Variants in SLC6A19 observed in about 807,000 individuals in gnomAD.
The protein encoded by SLC6A19 is sodium-dependent neutral amino acid transporter B(0)AT1.
Under a neutral mutation model 68.3 loss-of-function variants are expected in SLC6A19, and 67 were observed. The ratio of observed to expected loss-of-function variants is 0.98; its 90% CI spans 0.81 to 1.20. The LOEUF is 1.20. SLC6A19 is among the 50% of genes most tolerant of loss of function. The pLI is 0.00. For missense variants in SLC6A19, 813 were observed against 851.6 expected (o/e 0.95, Z 0.56); for synonymous variants, 392 against 374.9 (o/e 1.05, Z -0.53).
intron 10 of SLC6A19, 142 bp downstream of exon 10, chr5:1,219,806 T>C (rs939785195): frequency 1.8e-6 from 2 of 1,109,764 alleles, no homozygotes; most frequent in East Asian, 2.4e-5. Context: ...CAGAGGCTGG[T>C]GTAGACCTGT....
Position 1,219,667 on chromosome 5 carries a change from AG to A in SLC6A19, c.1538+7del. On this transcript the variant is annotated splice_donor_region_variant and intron_variant, in intron 10 of 11. Transcript: ENST00000304460. ...GTCTACGTGTACGGTGTGGACAGGT[AG>A]GGGCCACGGTGGGGACAGGTGCCTC... is the stretch of plus-strand genomic sequence containing the variant. 6.2e-7 allele frequency: 1 copy of A among 1,603,882 alleles called. No homozygotes were observed.
intron 11 of SLC6A19, 144 bp from the exon 12 acceptor site, chr5:1,221,557 G>C (rs1746382204): frequency 6.2e-6 from 7 of 1,135,974 alleles, no homozygotes; most frequent in African/African-American, 1.5e-5. Context: ...GGAGGTAGGG[G>C]AAAGGGGAAG....
At position 1,214,212 on chromosome 5, in the gene SLC6A19, C is replaced by A; in HGVS notation, c.887+147C>A. 1 of 1,459,384 alleles carries A rather than the reference C, an allele frequency of 6.9e-7. No homozygotes were observed. The highest frequency in any genetic ancestry group is 9.2e-7 in the Non-Finnish European group (1 of 1,088,680). The allele number at this position is 1,459,384 out of a possible 1,614,324, so 90.4% of individuals were successfully genotyped here. ...GGGCCCGTTCCCTCCTGCTCGGGGT[C>A]CATGTGAGCTGAGTCTAGAGTGCAG... On this transcript the variant is annotated intron_variant, in intron 6 of 11. Coordinates refer to ENST00000304460, the MANE Select transcript of SLC6A19 (RefSeq NM_001003841.3). This position sits in a 1 kb window ranked among gnomAD's most constrained non-coding sequence, Gnocchi z 7.4.
At chr5:1,207,028 C>T (rs1024337223) in intron 1 of SLC6A19, among the ~76,000 whole-genome samples, 3 of 152,342 alleles carry the variant, frequency 2.0e-5, no homozygotes, top group Admixed American at 1.3e-4. Context: ...GGGGCAGGCG[C>T]GACGGGAGCT....
In SLC6A19 at chr5:1,205,928, A is replaced by G. The variant is rs143833264; in HGVS notation, c.203-2818A>G. Among the ~76,000 whole-genome samples the G allele has an allele frequency of 1.4e-4, 22 of 152,146 alleles. 1 individual carries two copies. The highest frequency in any genetic ancestry group is 6.8e-3 in the Middle Eastern group (2 of 294). ...TGGCTACCATTCCCTTCTGCCTTTCATCTCTCGATGAATCCAGCATCCCGC... is the reference window on the plus strand; with the variant it reads ...TGGCTACCATTCCCTTCTGCCTTTCGTCTCTCGATGAATCCAGCATCCCGC... On this transcript the variant is annotated intron_variant, in intron 1 of 11. Transcript: ENST00000304460.
At position 1,214,107 on chromosome 5, in the gene SLC6A19, TG is replaced by T. The variant is rs1256882949; in HGVS notation, c.887+48del. The T allele has an allele frequency of 2.5e-6, 4 of 1,612,898 alleles. No homozygotes were observed. In the African/African-American group the frequency reaches 5.3e-5, roughly 22 times the overall value. On this transcript the variant is annotated intron_variant, in intron 6 of 11. Transcript: ENST00000304460. This position sits in a 1 kb window ranked among gnomAD's most constrained non-coding sequence, Gnocchi z 7.4. ...TGGGCCTCAGTTTCCCTCTCAGTCCTGGGGGGATCTTGCTGGGAGGATAAAA... is the reference window on the plus strand; with the variant it reads ...TGGGCCTCAGTTTCCCTCTCAGTCCTGGGGGATCTTGCTGGGAGGATAAAA...
At chr5:1,206,156 G>C (rs1399718998) in intron 1 of SLC6A19, among the ~76,000 whole-genome samples, 2 of 152,238 alleles carry the variant, frequency 1.3e-5, no homozygotes. Flanking sequence ...GTTAAACTGG[G>C]AGAGGGAGCA....
At position 1,212,240 on chromosome 5, in the gene SLC6A19, G is replaced by A; in HGVS notation, c.482-63G>A. The A allele has an allele frequency of 1.9e-6, 3 of 1,602,166 alleles. No homozygotes were observed. Among genetic ancestry groups the A allele is most frequent in the Non-Finnish European group, 2.6e-6 (3 of 1,175,958 alleles). On this transcript the variant is annotated intron_variant, in intron 3 of 11. Transcript: ENST00000304460. The surrounding 1 kb of genome is among the most constrained non-coding windows in gnomAD (Gnocchi z 5.1). ...TGGCTGGCATTTCTTCCAGCTCAGG[G>A]CCTTCCATTCTCCTCCCTTGGGGGA...
In SLC6A19 at chr5:1,212,456, C is replaced by T. The variant is rs1477701193; in HGVS notation, c.635C>T (p.Thr212Ile). The T allele has an allele frequency of 6.2e-6, 10 of 1,609,526 alleles. No individual in the cohort carries two copies. The highest frequency in any genetic ancestry group is 8.5e-6 in the Non-Finnish European group (10 of 1,179,848). ...ACAWSVLYMC[T>I]IRGIETTGKA... ...GCATGGAGCGTCCTGTACATGTGCACCATCCGCGGCATCGAGACCACCGGG... is the reference window on the plus strand; with the variant it reads ...GCATGGAGCGTCCTGTACATGTGCATCATCCGCGGCATCGAGACCACCGGG... The change falls in exon 4 of 12, where the codon ACC (threonine) becomes ATC (isoleucine). Residue 212 changes from threonine (T) to isoleucine (I), a missense_variant. Physicochemically the swap from Thr to Ile is moderately conservative, Grantham distance 89. Coordinates refer to ENST00000304460, the MANE Select transcript of SLC6A19 (RefSeq NM_001003841.3). This position sits in a 1 kb window ranked among gnomAD's most constrained non-coding sequence, Gnocchi z 5.1.
chr5:1,206,647 G>T (rs1745859878), intron 1 of SLC6A19, among the ~76,000 whole-genome samples: 1 of 152,000 alleles, frequency 6.6e-6, no homozygotes, highest in African/African-American at 2.4e-5. Context: ...CAGCCTGGGG[G>T]GCGGGAGGAT....
At position 1,222,543 on chromosome 5, in the gene SLC6A19, G is replaced by T; in HGVS notation, c.*639G>T. 2.6e-6 allele frequency: 1 copy of T among 390,748 alleles called. No homozygotes were observed. The highest frequency in any genetic ancestry group is 4.6e-6 in the Non-Finnish European group (1 of 219,032). 24.2% of individuals were successfully genotyped at this position (390,748 alleles called of 1,614,324 possible). A position where few individuals can be genotyped will look rare whatever the true frequency, so the allele number is the denominator to read the frequency against. Reference sequence around the variant, plus strand: ...TGAGCATGTGTACGTGTGTGTATACGTGTGTTGTGTATATGTGTGTGTCTG... The same window carrying T: ...TGAGCATGTGTACGTGTGTGTATACTTGTGTTGTGTATATGTGTGTGTCTG... On this transcript the variant is annotated 3_prime_UTR_variant, in exon 12 of 12. Coordinates refer to ENST00000304460, the MANE Select transcript of SLC6A19 (RefSeq NM_001003841.3).
Position 1,212,980 on chromosome 5 carries a change from C to T in SLC6A19, c.664-483C>T, listed in dbSNP as rs1312812835. ...GCCCCCCACCACAAGCACGGCCCCC[C>T]TCCGCACCATCCCAAATACCCAGGC... is the stretch of plus-strand genomic sequence containing the variant. On this transcript the variant is annotated intron_variant, in intron 4 of 11. Transcript: ENST00000304460. This position sits in a 1 kb window ranked among gnomAD's most constrained non-coding sequence, Gnocchi z 5.1. Among the ~76,000 whole-genome samples, 1 of 148,088 alleles carries T rather than the reference C, an allele frequency of 6.8e-6. No homozygotes were observed. The highest frequency in any genetic ancestry group is 2.5e-5 in the African/African-American group (1 of 39,736).
At chr5:1,217,379 G>A (rs6554667) in intron 8 of SLC6A19, among the ~76,000 whole-genome samples, 137,019 of 152,316 alleles carry the variant, frequency 0.9, 62,078 homozygotes, top group Non-Finnish European at 0.95. Flanking sequence ...CCACGCTGAT[G>A]TCGAGGATAC....
chr5:1,210,226 C>A (rs941466511), intron 2 of SLC6A19, among the ~76,000 whole-genome samples: 1 of 134,772 alleles, frequency 7.4e-6, no homozygotes, highest in Non-Finnish European at 1.6e-5. Flanking sequence ...GCAGGGCAGG[C>A]GTGTGCCAGG....
At chr5:1,216,725 G>C in intron 7 of SLC6A19, 39 bp downstream of exon 7, 1 of 1,613,590 alleles carries the variant, frequency 6.2e-7, no homozygotes, top group Non-Finnish European at 8.5e-7. Context: ...CTTGGGCTGC[G>C]CCTCCAGGAA....
intron 1 of SLC6A19, 76 bp downstream of exon 1, chr5:1,201,928 CAT>C: frequency 1.3e-6 from 2 of 1,512,178 alleles, no homozygotes; most frequent in Non-Finnish European, 1.8e-6. Context: ...CCTGGGCAGA[CAT>C]CCTCCCCGGA....
chr5:1,218,005 G>GCGCCTCCTCCCGCCTCCTCC (rs141917424), intron 8 of SLC6A19, among the ~76,000 whole-genome samples: 6 of 149,424 alleles, frequency 4.0e-5, no homozygotes, highest in Admixed American at 1.3e-4. Context: ...CTCCATCCTG[G>GCGCCTCCTCCCGCCTCCTCC]CGCCTCCTCC....
At chr5:1,208,698 G>C in intron 1 of SLC6A19, 48 bp from the exon 2 acceptor site, 1 of 1,612,410 alleles carries the variant, frequency 6.2e-7, no homozygotes, top group Non-Finnish European at 8.5e-7. Flanking sequence ...AGGCCTTCCT[G>C]CTCCCCCGGG....
rs1388724771 is a variant in SLC6A19 at position 1,218,962 on chromosome 5, G to A, written c.1233G>A (p.Pro411=). 14 of 1,613,962 alleles carry A rather than the reference G, an allele frequency of 8.7e-6. No individual in the cohort carries two copies. Among genetic ancestry groups the A allele is most frequent in the Middle Eastern group, 1.6e-4 (1 of 6,084 alleles). The stretch of plus-strand genomic sequence containing the variant: ...TCACCGAGGCCATCACCAAGATGCC[G>A]TTGTCCCCACTGTGGTCTGTGCTCT... The part of the protein sequence containing the change: ...IVFTEAITKM[P]LSPLWSVLFF... The change falls in exon 9 of 12, where the codon CCG becomes CCA. Residue 411 remains proline, a synonymous_variant. Transcript: ENST00000304460.
Sources: gnomAD v4.1 joint callset for allele counts (sites outside exome capture counted in the v4.1 genomes callset) on GRCh38, gnomAD v4.1.1 for gene constraint, Gnocchi (gnomAD v3.1) non-coding constraint, MANE v1.5 for transcripts, NCBI Gene and HGNC (gene_info 2026-07-23, HGNC 2026-07-21) for gene names.